Variants in PRIM2 observed in about 807,000 individuals in gnomAD.
PRIM2 encodes the protein DNA primase subunit 2, also known as DNA primase large subunit.
In PRIM2, 39 loss-of-function variants were observed where a neutral mutation model predicts 67.3. The observed-to-expected ratio is 0.58, with a 90% CI of 0.45 to 0.76. PRIM2 has a LOEUF of 0.76. PRIM2 is among the 30% of genes least tolerant of loss of function. The probability of loss-of-function intolerance (pLI) is 0.00; values close to 1 mark genes in which losing one functional copy is unlikely to be tolerated. For synonymous variants in PRIM2, 143 were observed against 198.7 expected, an observed-to-expected ratio of 0.72 and a Z score of 2.36; for missense variants, 398 against 598.7, an observed-to-expected ratio of 0.66 and a Z score of 3.50.
the PRIM2 span, among the ~76,000 whole-genome samples, chr6:57,232,511 T>C: frequency 1.3e-5 from 2 of 152,204 alleles, no homozygotes; most frequent in Admixed American, 1.3e-4. Flanking sequence ...ATCGCGCCAC[T>C]GCACTCCAGC....
chr6:57,304,811 T>A, the PRIM2 span, among the ~76,000 whole-genome samples: 1 of 152,194 alleles, frequency 6.6e-6, no homozygotes, highest in African/African-American at 2.4e-5. Context: ...CATACTCGAC[T>A]ACTCCTAGGG....
the PRIM2 span, among the ~76,000 whole-genome samples, chr6:57,267,718 G>C: frequency 6.6e-6 from 1 of 151,254 alleles, no homozygotes; most frequent in Admixed American, 6.6e-5. Context: ...AGACCAGCCT[G>C]GGCAACATTG....
At chr6:57,341,958 C>T (rs981573189) in intron 5 of PRIM2, among the ~76,000 whole-genome samples, 7 of 152,188 alleles carry the variant, frequency 4.6e-5, no homozygotes, top group African/African-American at 7.2e-5. Context: ...TCTGTCTTTT[C>T]GGTTTCCTCA....
At chr6:57,642,473 C>T (rs1286625643) in intron 13 of PRIM2, among the ~76,000 whole-genome samples, 5 of 88,486 alleles carry the variant, frequency 5.7e-5, no homozygotes, top group East Asian at 8.5e-4. Flanking sequence ...GACGGAGTTT[C>T]GCTCTGTCGC....
At chr6:57,614,430 A>T (rs1461602813) in intron 12 of PRIM2, among the ~76,000 whole-genome samples, 3 of 152,170 alleles carry the variant, frequency 2.0e-5, no homozygotes, top group African/African-American at 7.2e-5. Context: ...CAAAATGTTC[A>T]GAAATTTAAG....
the PRIM2 span, among the ~76,000 whole-genome samples, chr6:57,252,555 C>T: frequency 3.3e-5 from 5 of 152,298 alleles, no homozygotes; most frequent in South Asian, 6.2e-4. Context: ...ATTCTCCTGC[C>T]TCAGCCTCCA....
At chr6:57,577,176 G>A (rs1216891048) in intron 10 of PRIM2, among the ~76,000 whole-genome samples, 1 of 152,140 alleles carries the variant, frequency 6.6e-6, no homozygotes, top group Non-Finnish European at 1.5e-5. Context: ...GAGATTACTT[G>A]TGTTTCTTGG....
intron 9 of PRIM2, among the ~76,000 whole-genome samples, chr6:57,534,299 A>G (rs1445325025): frequency 3.9e-5 from 6 of 151,906 alleles, no homozygotes; most frequent in African/African-American, 1.4e-4. Flanking sequence ...CTTTGTTGCT[A>G]TTCGACCCCC....
chr6:57,372,052 A>G (rs1008316866), intron 5 of PRIM2, among the ~76,000 whole-genome samples: 20 of 152,222 alleles, frequency 1.3e-4, no homozygotes, highest in Non-Finnish European at 2.5e-4. Flanking sequence ...CAATTTACAT[A>G]CTCTACAATG....
chr6:57,362,575 T>G (rs1045057805), intron 5 of PRIM2, among the ~76,000 whole-genome samples: 3 of 152,246 alleles, frequency 2.0e-5, no homozygotes, highest in Admixed American at 1.3e-4. Context: ...TCAATGATCT[T>G]GAAAATGTCC....
At chr6:57,609,223 G>A (rs1776620250) in intron 12 of PRIM2, among the ~76,000 whole-genome samples, 1 of 152,190 alleles carries the variant, frequency 6.6e-6, no homozygotes, top group Non-Finnish European at 1.5e-5. Flanking sequence ...TAACTTATTG[G>A]AGGAAGGACG....
chr6:57,241,518 A>G, the PRIM2 span, among the ~76,000 whole-genome samples: 1 of 151,266 alleles, frequency 6.6e-6, no homozygotes, highest in Non-Finnish European at 1.5e-5. Flanking sequence ...GCAAGCAGAA[A>G]AAAAAAAAAC....
chr6:57,296,531 G>GT, the PRIM2 span, among the ~76,000 whole-genome samples: 1 of 152,104 alleles, frequency 6.6e-6, no homozygotes, highest in East Asian at 1.9e-4. Flanking sequence ...ACTGTAAATT[G>GT]TATGTATATA....
the PRIM2 span, among the ~76,000 whole-genome samples, chr6:57,242,238 C>T: frequency 6.6e-6 from 1 of 151,856 alleles, no homozygotes; most frequent in African/African-American, 2.4e-5. Context: ...ATAAAAATAC[C>T]TAAAAACTTC....
chr6:57,364,638 T>G (rs1769296440), intron 5 of PRIM2, among the ~76,000 whole-genome samples: 1 of 151,964 alleles, frequency 6.6e-6, no homozygotes, highest in Non-Finnish European at 1.5e-5. Context: ...AAGATGTTCT[T>G]CGTTTGGGTC....
At chr6:57,478,091 A>G (rs1255089398) in intron 7 of PRIM2, among the ~76,000 whole-genome samples, 4 of 152,222 alleles carry the variant, frequency 2.6e-5, no homozygotes, top group African/African-American at 7.2e-5. Context: ...CACTTTACAA[A>G]TGAAGAAACT....
chr6:57,355,154 A>T (rs1392920242), intron 5 of PRIM2, among the ~76,000 whole-genome samples: 1 of 152,276 alleles, frequency 6.6e-6, no homozygotes, highest in Non-Finnish European at 1.5e-5. Flanking sequence ...AAATACAAAA[A>T]TTAGCTAGAT....
At chr6:57,604,185 C>G (rs1776520986) in intron 11 of PRIM2, among the ~76,000 whole-genome samples, 1 of 152,026 alleles carries the variant, frequency 6.6e-6, no homozygotes, top group Non-Finnish European at 1.5e-5. Flanking sequence ...GGCATGGTGG[C>G]GTGCACCTGT....
chr6:57,357,109 G>A (rs1332812302), intron 5 of PRIM2, among the ~76,000 whole-genome samples: 1 of 151,650 alleles, frequency 6.6e-6, no homozygotes, highest in Admixed American at 6.6e-5. Flanking sequence ...CATTTTTGTA[G>A]CTTTAGTAGA....
Sources: allele counts gnomAD v4.1 joint callset (sites outside exome capture counted in the v4.1 genomes callset), GRCh38; gene constraint gnomAD v4.1.1; transcripts MANE v1.5; gene names NCBI Gene and HGNC (gene_info 2026-07-23, HGNC 2026-07-21).